The following LIN52 variants were observed in gnomAD, a reference collection of about 807,000 sequenced individuals.
LIN52 encodes protein lin-52 homolog.
Under a neutral mutation model 18.5 loss-of-function variants are expected in LIN52, and 4 were observed. The observed-to-expected ratio is 0.22, with a 90% CI of 0.11 to 0.49. The LOEUF (loss-of-function observed/expected upper bound fraction) is 0.49. Among genes scored for constraint, LIN52 ranks in the 20% least tolerant of loss-of-function variants. The pLI, the probability that LIN52 is intolerant of heterozygous loss-of-function variation, is 0.97. For missense variants in LIN52, 102 were observed against 139.5 expected (o/e 0.73, Z 1.35); for synonymous variants, 34 against 45.5 (o/e 0.75, Z 1.02).
At chr14:74,139,210 A>C (rs1317933009) in intron 5 of LIN52, among the ~76,000 whole-genome samples, 1 of 152,232 alleles carries the variant, frequency 6.6e-6, no homozygotes, top group African/African-American at 2.4e-5. Context: ...CCTGGCTGCA[A>C]AATAATGTAA....
chr14:74,195,826 G>A (rs1317935512), intron 5 of LIN52, among the ~76,000 whole-genome samples: 1 of 152,210 alleles, frequency 6.6e-6, no homozygotes, highest in East Asian at 1.9e-4. Flanking sequence ...TCTTCGCCCT[G>A]CAGCAGAGCA....
At chr14:74,135,265 A>T (rs948859066) in intron 5 of LIN52, among the ~76,000 whole-genome samples, 1 of 152,120 alleles carries the variant, frequency 6.6e-6, no homozygotes, top group East Asian at 1.9e-4. Context: ...GGGTTTCACC[A>T]TGTTGGCCAG....
intron 5 of LIN52, among the ~76,000 whole-genome samples, chr14:74,159,068 T>C (rs552755162): frequency 2.6e-5 from 4 of 152,332 alleles, no homozygotes; most frequent in Non-Finnish European, 4.4e-5. Context: ...TTAAAGGCTC[T>C]GTATTCCTAG....
At position 74,188,880 on chromosome 14, in the gene LIN52, T is replaced by G. The variant is rs144107041; in HGVS notation, c.284-10042T>G. The stretch of plus-strand genomic sequence containing the variant: ...AATTATAATCAAGAGAGGTTTTTAT[T>G]GGCTTCTCAGTGTGAAGATGTAACC... On this transcript the variant is annotated intron_variant, in intron 5 of 5. Transcript: ENST00000555028. Among the ~76,000 whole-genome samples, 169 of 152,284 alleles carry G rather than the reference T, an allele frequency of 1.1e-3. 2 individuals carry two copies. The East Asian group carries it at 0.025, about 22-fold the overall frequency.
intron 5 of LIN52, among the ~76,000 whole-genome samples, chr14:74,197,102 A>T (rs973671832): frequency 3.9e-5 from 6 of 152,234 alleles, no homozygotes; most frequent in African/African-American, 1.4e-4. Flanking sequence ...AGCAAGGCAC[A>T]TTTAAAAAGA....
intron 1 of LIN52, among the ~76,000 whole-genome samples, chr14:74,090,022 T>TA (rs1339945303): frequency 6.7e-6 from 1 of 150,012 alleles, no homozygotes; most frequent in Non-Finnish European, 1.5e-5. Flanking sequence ...TGCACTCTTT[T>TA]TTTTTTTTTT....
At chr14:74,108,174 G>T (rs2060908393) in intron 5 of LIN52, among the ~76,000 whole-genome samples, 1 of 152,106 alleles carries the variant, frequency 6.6e-6, no homozygotes, top group Non-Finnish European at 1.5e-5. Flanking sequence ...TGTTTTCAGT[G>T]TTCAATTATG....
chr14:74,139,322 T>G (rs2061116114), intron 5 of LIN52, among the ~76,000 whole-genome samples: 1 of 152,240 alleles, frequency 6.6e-6, no homozygotes, highest in Non-Finnish European at 1.5e-5. Context: ...CAATATTCTC[T>G]GCCATAGCAG....
At chr14:74,100,455 C>T (rs927863093) in intron 4 of LIN52, among the ~76,000 whole-genome samples, 3 of 152,108 alleles carry the variant, frequency 2.0e-5, no homozygotes, top group African/African-American at 7.2e-5. Flanking sequence ...CATACACCAC[C>T]ATACCCAGCT....
At chr14:74,143,593 C>G (rs1224712641) in intron 5 of LIN52, among the ~76,000 whole-genome samples, 1 of 139,784 alleles carries the variant, frequency 7.2e-6, no homozygotes, top group Non-Finnish European at 1.5e-5. Flanking sequence ...CACTTTTTAA[C>G]AAAGAATTTA....
At chr14:74,091,197 C>G (rs200421916) in intron 1 of LIN52, 35 bp from the exon 2 acceptor site, 51 of 1,486,974 alleles carry the variant, frequency 3.4e-5, no homozygotes, top group Admixed American at 1.4e-4. Context: ...AATGTGTTTC[C>G]TGTCTTCTTG....
intron 5 of LIN52, among the ~76,000 whole-genome samples, chr14:74,157,460 T>TATATA (rs374055679): frequency 1.1e-3 from 108 of 99,600 alleles, no homozygotes; most frequent in Non-Finnish European, 1.5e-3. Flanking sequence ...TATATATATA[T>TATATA]TTTTTAATTA....
At chr14:74,097,988 T>G in intron 4 of LIN52, 128 bp downstream of exon 4, 1 of 657,404 alleles carries the variant, frequency 1.5e-6, no homozygotes, top group Middle Eastern at 2.5e-4. Flanking sequence ...CCTCCTTATT[T>G]GTAGTTTTTC....
intron 5 of LIN52, among the ~76,000 whole-genome samples, chr14:74,179,135 CTCTT>C (rs1332600039): frequency 5.9e-5 from 9 of 152,124 alleles, no homozygotes; most frequent in Non-Finnish European, 1.3e-4. Context: ...GCACATCCCT[CTCTT>C]TCTAAAGCTT....
At chr14:74,159,306 A>C (rs1342303977) in intron 5 of LIN52, among the ~76,000 whole-genome samples, 2 of 152,178 alleles carry the variant, frequency 1.3e-5, no homozygotes, top group Non-Finnish European at 2.9e-5. Context: ...TATTCTTTTA[A>C]GAGAAGATCT....
chr14:74,177,884 TCTC>T (rs1406631518), intron 5 of LIN52, among the ~76,000 whole-genome samples: 1 of 152,164 alleles, frequency 6.6e-6, no homozygotes, highest in Non-Finnish European at 1.5e-5. Context: ...CTCAAGCAAT[TCTC>T]CTGCCTCAGC....
At chr14:74,104,028 A>G (rs1484948560) in intron 5 of LIN52, among the ~76,000 whole-genome samples, 4 of 150,804 alleles carry the variant, frequency 2.7e-5, no homozygotes, top group Non-Finnish European at 5.9e-5. Flanking sequence ...CCTCCCAAGT[A>G]GCTGAGATTA....
intron 5 of LIN52, among the ~76,000 whole-genome samples, chr14:74,145,557 G>T (rs1198353286): frequency 6.6e-6 from 1 of 152,132 alleles, no homozygotes; most frequent in Non-Finnish European, 1.5e-5. Context: ...TTTGTCCATG[G>T]CATTTTTTGA....
rs1299172661 is a variant in LIN52, at chr14:74,101,048, T to C, written c.200-107T>C. Reference sequence around the variant, plus strand: ...ACGGATCCATTTTCTACTTATTCAGTGGTAATTAAGCTTGAAAACTTGTAT... The same window carrying C: ...ACGGATCCATTTTCTACTTATTCAGCGGTAATTAAGCTTGAAAACTTGTAT... On this transcript the variant is annotated intron_variant, in intron 4 of 5. Transcript: ENST00000555028. The C allele has an allele frequency of 6.2e-6, 5 of 802,862 alleles. No individual in the cohort carries two copies. The African/African-American group carries it at 7.1e-5, about 11-fold the overall frequency. 49.7% of individuals were successfully genotyped at this position (802,862 alleles called of 1,614,324 possible).
Sources: gnomAD v4.1 joint callset for allele counts (sites outside exome capture counted in the v4.1 genomes callset) on GRCh38, gnomAD v4.1.1 for gene constraint, MANE v1.5 for transcripts, NCBI Gene and HGNC (gene_info 2026-07-23, HGNC 2026-07-21) for gene names.